Variants in CCN3 observed in about 807,000 individuals in gnomAD.
The protein encoded by CCN3 is cellular communication network factor 3.
CCN3 carries 20 observed loss-of-function variants against 33.4 expected under a neutral mutation model. That is an observed-to-expected ratio of 0.60 (90% CI 0.42 to 0.87). CCN3 has a LOEUF of 0.87. Among genes scored for constraint, CCN3 ranks in the 40% least tolerant of loss-of-function variants. The pLI is 0.00. For missense variants in CCN3, 465 were observed against 455.3 expected, an observed-to-expected ratio of 1.02 and a Z score of -0.19; for synonymous variants, 205 against 170.4, an observed-to-expected ratio of 1.20 and a Z score of -1.58.
rs760963076 is a variant in CCN3, at chr8:119,416,948, A to G, written c.289A>G (p.Asn97Asp). 3 of 1,612,952 alleles carry G rather than the reference A, an allele frequency of 1.9e-6. No homozygotes were observed. The South Asian group carries it at 3.3e-5, about 18-fold the overall frequency. ...CTGTGATCGCAGCGCGGACCCCAGC[A>G]ACCAGACTGGCATCTGCACGGGTAA... is the stretch of plus-strand genomic sequence containing the variant. ...LYCDRSADPS[N>D]QTGICTAVEG... The change falls in exon 2 of 5, where the codon AAC becomes GAC. Residue 97 changes from asparagine (N) to aspartate (D), a missense_variant. By Grantham distance (23) the Asn-to-Asp change is conservative (BLOSUM62 1). Coordinates refer to ENST00000259526, the MANE Select transcript of CCN3 (RefSeq NM_002514.4).
rs1172206954 is a variant in CCN3 at position 119,422,827 on chromosome 8, C to T, written c.778-9C>T. On this transcript the variant is annotated splice_polypyrimidine_tract_variant and intron_variant, in intron 4 of 4. Coordinates refer to ENST00000259526, the MANE Select transcript of CCN3 (RefSeq NM_002514.4). ...CCATTCAATACATCACTTCTTTTTT[C>T]TTTCTTAGAAAGGAAAAAAGTGTCT... 11 of 1,584,112 alleles carry T rather than the reference C, an allele frequency of 6.9e-6. No individual in the cohort carries two copies. In the Admixed American group the frequency reaches 1.1e-4, roughly 16 times the overall value.
rs764269941 is a variant in CCN3, at chr8:119,422,825, T to C, written c.778-11T>C. On this transcript the variant is annotated splice_polypyrimidine_tract_variant and intron_variant, in intron 4 of 4. Transcript: ENST00000259526. ...AGCCATTCAATACATCACTTCTTTT[T>C]TCTTTCTTAGAAAGGAAAAAAGTGT... The C allele has an allele frequency of 3.1e-6, 5 of 1,588,902 alleles. No individual in the cohort carries two copies. The highest frequency in any genetic ancestry group is 4.3e-6 in the Non-Finnish European group (5 of 1,166,306).
chr8:119,416,734 C>T lies in CCN3; in HGVS notation c.85-10C>T, dbSNP rs1022768709. 1.3e-6 allele frequency: 2 copies of T among 1,581,724 alleles called. No homozygotes were observed. The highest frequency in any genetic ancestry group is 1.7e-6 in the Non-Finnish European group (2 of 1,163,006). On this transcript the variant is annotated splice_polypyrimidine_tract_variant and intron_variant, in intron 1 of 4. Coordinates refer to ENST00000259526, the MANE Select transcript of CCN3 (RefSeq NM_002514.4). ...GCTGAGTGGTTTCTCCTTGTCTCGCCTGCCTTCAGGTCGCTGCGACTCAGC... is the reference window on the plus strand; with the variant it reads ...GCTGAGTGGTTTCTCCTTGTCTCGCTTGCCTTCAGGTCGCTGCGACTCAGC...
intron 3 of CCN3, 122 bp from the exon 4 acceptor site, chr8:119,419,009 G>A (rs1820089479): frequency 3.0e-6 from 2 of 664,760 alleles, no homozygotes; most frequent in Non-Finnish European, 5.3e-6. Context: ...TGTCCTGGGA[G>A]CATGGGTGTT....
Position 119,421,011 on chromosome 8 carries a change from C to CTTTTTTT in CCN3, c.777+1685_777+1691dup, listed in dbSNP as rs770175066. Among the ~76,000 whole-genome samples, 79 of 75,028 alleles carry CTTTTTTT rather than the reference C, an allele frequency of 1.1e-3. 2 individuals are homozygous for CTTTTTTT. Among genetic ancestry groups the CTTTTTTT allele is most frequent in the African/African-American group, 1.4e-3 (25 of 18,102 alleles). The allele number at this position is 75,028 out of a possible 152,430, so 49.2% of individuals were successfully genotyped here. On this transcript the variant is annotated intron_variant, in intron 4 of 4. Coordinates refer to ENST00000259526, the MANE Select transcript of CCN3 (RefSeq NM_002514.4). ...GATTCTTAAATCTAAGACAGTGGTT[C>CTTTTTTT]TTTTTTTTTTTTTTTTTTTTTTTTT...
At chr8:119,420,742 G>T (rs1191622449) in intron 4 of CCN3, among the ~76,000 whole-genome samples, 1 of 152,140 alleles carries the variant, frequency 6.6e-6, no homozygotes, top group Admixed American at 6.5e-5. Context: ...AATTGAAAAA[G>T]TAAGAAGAAG....
chr8:119,419,392 G>A (rs1323284701), intron 4 of CCN3, 47 bp downstream of exon 4: 4 of 1,575,938 alleles, frequency 2.5e-6, no homozygotes, highest in Non-Finnish European at 3.5e-6. Flanking sequence ...ATGGCCTTGT[G>A]TCCTTGGAGC....
chr8:119,423,802 A>G lies in CCN3; in HGVS notation c.*670A>G, dbSNP rs1056955236. ...TAAGACACATTGACTCCTTTCCAAT[A>G]GAAAGAAACTAAACAGAAAACTCCC... On this transcript the variant is annotated 3_prime_UTR_variant, in exon 5 of 5. Coordinates refer to ENST00000259526, the MANE Select transcript of CCN3 (RefSeq NM_002514.4). 6.6e-6 allele frequency: 1 copy of G among 152,238 alleles called. No homozygotes were observed. Among genetic ancestry groups the G allele is most frequent in the African/African-American group, 2.4e-5 (1 of 41,470 alleles). 9.4% of individuals were successfully genotyped at this position (152,238 alleles called of 1,614,324 possible).
Position 119,416,501 on chromosome 8 carries a change from G to C in CCN3, c.-32G>C. ...GCCAATCTACAGCGAAGAAAGTCTC[G>C]TTTGGTAAAAGCGAGAGGGGAAAGC... On this transcript the variant is annotated 5_prime_UTR_variant, in exon 1 of 5. Coordinates refer to ENST00000259526, the MANE Select transcript of CCN3 (RefSeq NM_002514.4). 1.2e-6 allele frequency: 2 copies of C among 1,608,518 alleles called. No homozygotes were observed. The highest frequency in any genetic ancestry group is 1.1e-5 in the South Asian group (1 of 90,220).
chr8:119,420,654 A>G (rs937371671), intron 4 of CCN3, among the ~76,000 whole-genome samples: 7 of 152,200 alleles, frequency 4.6e-5, no homozygotes, highest in Admixed American at 3.9e-4. Context: ...TCTCACATAC[A>G]AACACATACA....
chr8:119,416,723 C>T (rs2130450967), intron 1 of CCN3, 21 bp from the exon 2 acceptor site: 2 of 1,577,330 alleles, frequency 1.3e-6, no homozygotes, highest in Non-Finnish European at 1.7e-6. Flanking sequence ...AGTGGTTTCT[C>T]CTTGTCTCGC....
In CCN3 at chr8:119,416,604, T is replaced by A. The variant is rs758821257; in HGVS notation, c.72T>A (p.His24Gln). 7 of 1,613,748 alleles carry A rather than the reference T, an allele frequency of 4.3e-6. No homozygotes were observed. Among genetic ancestry groups the A allele is most frequent in the Non-Finnish European group, 4.2e-6 (5 of 1,179,882 alleles). The change falls in exon 1 of 5, where the codon CAT becomes CAA. Residue 24 changes from histidine (H) to glutamine (Q), a missense_variant. Transcript: ENST00000259526. ...QCLCLTFLLL[H>Q]LLGQVAATQR... ...TTTGCCTGACCTTCCTGCTTCTCCA[T>A]CTCCTGGGACAGGTAAGTGGCACAC...
intron 4 of CCN3, among the ~76,000 whole-genome samples, chr8:119,421,790 G>T (rs1394232955): frequency 6.6e-6 from 1 of 152,100 alleles, no homozygotes; most frequent in South Asian, 2.1e-4. Context: ...AATATTAGAT[G>T]TTTTCTGATC....
intron 3 of CCN3, among the ~76,000 whole-genome samples, chr8:119,418,577 T>C (rs905415211): frequency 1.3e-5 from 2 of 152,354 alleles, no homozygotes; most frequent in Non-Finnish European, 2.9e-5. Flanking sequence ...TTTGTCTTAT[T>C]GGATGACTAC....
At chr8:119,419,925 C>A (rs925488594) in intron 4 of CCN3, 7 of 152,686 alleles carry the variant, frequency 4.6e-5, no homozygotes, top group African/African-American at 1.4e-4. Context: ...CAGCACATAT[C>A]TTTTTATTTT....
In CCN3 at chr8:119,418,299, T is replaced by C; in HGVS notation, c.552T>C (p.Leu184=). The C allele has an allele frequency of 6.2e-7, 1 of 1,614,040 alleles. No homozygotes were observed. The highest frequency in any genetic ancestry group is 1.1e-5 in the South Asian group (1 of 91,068). ...ATGAGGAGGATTCACTGGGAGGCCT[T>C]ACCCTTGCAGGTGAGAAACTCAATA... is the stretch of plus-strand genomic sequence containing the variant. The part of the protein sequence containing the change: ...GPDEEDSLGG[L]TLAAYRPEAT... The change falls in exon 3 of 5, where the codon CTT becomes CTC. Residue 184 remains leucine (L), a synonymous_variant. Coordinates refer to ENST00000259526, the MANE Select transcript of CCN3 (RefSeq NM_002514.4).
rs1460419452 is a variant in CCN3 at position 119,419,174 on chromosome 8, A to G, written c.606A>G (p.Ser202=). 1 of 1,614,112 alleles carries G rather than the reference A, an allele frequency of 6.2e-7. No individual in the cohort carries two copies. The highest frequency in any genetic ancestry group is 1.3e-5 in the African/African-American group (1 of 74,942). The change falls in exon 4 of 5, where the codon TCA becomes TCG. Residue 202 remains serine (S), a synonymous_variant. Transcript: ENST00000259526. ...CCCTAGGAGTAGAAGTCTCTGACTC[A>G]AGTGTCAACTGCATTGAACAGACCA... ...EATLGVEVSD[S]SVNCIEQTTE...
rs142145289 is a variant in CCN3 at position 119,417,716 on chromosome 8, C to G, written c.311-342C>G. Among the ~76,000 whole-genome samples, 14 of 152,280 alleles carry G rather than the reference C, an allele frequency of 9.2e-5. No individual in the cohort carries two copies. In the East Asian group the frequency reaches 2.7e-3, roughly 29 times the overall value. On this transcript the variant is annotated intron_variant, in intron 2 of 4. Transcript: ENST00000259526. The stretch of plus-strand genomic sequence containing the variant: ...CACTTTTTCTCTTTTTAAGTCTAAG[C>G]TGCTGGAGTAGGAAACTCTAAGGAG...
Position 119,416,499 on chromosome 8 carries a change from TC to T in CCN3, c.-33del, listed in dbSNP as rs1344058696. 6.2e-7 allele frequency: 1 copy of T among 1,606,002 alleles called. No individual in the cohort carries two copies. The highest frequency in any genetic ancestry group is 8.5e-7 in the Non-Finnish European group (1 of 1,174,416). On this transcript the variant is annotated 5_prime_UTR_variant, in exon 1 of 5. Coordinates refer to ENST00000259526, the MANE Select transcript of CCN3 (RefSeq NM_002514.4). ...GTGCCAATCTACAGCGAAGAAAGTC[TC>T]GTTTGGTAAAAGCGAGAGGGGAAAG... is the stretch of plus-strand genomic sequence containing the variant.
Sources: allele counts gnomAD v4.1 joint callset (sites outside exome capture counted in the v4.1 genomes callset), GRCh38; gene constraint gnomAD v4.1.1; transcripts MANE v1.5; gene names NCBI Gene and HGNC (gene_info 2026-07-23, HGNC 2026-07-21).